SGMS2: variants seen among roughly 807,000 people sequenced by gnomAD.
SGMS2 encodes sphingomyelin synthase 2, also known as phosphatidylcholine:ceramide cholinephosphotransferase 2.
Under a neutral mutation model 43.8 loss-of-function variants are expected in SGMS2, and 21 were observed. That is an observed-to-expected ratio of 0.48 (90% confidence interval 0.34 to 0.69). SGMS2 has a LOEUF of 0.69. SGMS2 is among the 30% of genes least tolerant of loss of function. The pLI is 0.01. For missense variants in SGMS2, 384 were observed against 443.2 expected (o/e 0.87, Z 1.20); for synonymous variants, 167 against 160.6 (o/e 1.04, Z -0.30).
At chr4:107,858,918 CAG>C (rs1001820125) in intron 2 of SGMS2, among the ~76,000 whole-genome samples, 12 of 152,170 alleles carry the variant, frequency 7.9e-5, no homozygotes, top group African/African-American at 2.9e-4. Flanking sequence ...CTTAAGAAAA[CAG>C]AAAATCTTCA....
At chr4:107,884,685 C>T (rs544890778) in intron 2 of SGMS2, among the ~76,000 whole-genome samples, 20 of 152,234 alleles carry the variant, frequency 1.3e-4, no homozygotes, top group African/African-American at 3.9e-4. Context: ...AGAATGCAAC[C>T]GTTTATCTCT....
intron 2 of SGMS2, chr4:107,867,541 G>A (rs536182486): frequency 6.6e-6 from 1 of 152,292 alleles, no homozygotes; most frequent in Non-Finnish European, 1.5e-5. Context: ...TCCCAAAGAG[G>A]GGTAGAACAG....
intron 5 of SGMS2, among the ~76,000 whole-genome samples, chr4:107,905,466 A>G (rs1419015464): frequency 6.6e-6 from 1 of 152,182 alleles, no homozygotes; most frequent in Non-Finnish European, 1.5e-5. Flanking sequence ...ATAATAGCAA[A>G]TAGACATAAT....
intron 1 of SGMS2, among the ~76,000 whole-genome samples, chr4:107,847,033 A>G (rs367836258): frequency 1.3e-4 from 20 of 151,976 alleles, no homozygotes; most frequent in Non-Finnish European, 2.4e-4. Flanking sequence ...AGATGAGTAG[A>G]TTGCGAAAAT....
At chr4:107,902,756 G>A (rs541537606) in intron 4 of SGMS2, among the ~76,000 whole-genome samples, 1 of 152,220 alleles carries the variant, frequency 6.6e-6, no homozygotes, top group Admixed American at 6.5e-5. Context: ...AATTGTAAAT[G>A]TTTTGATCAG....
rs999456774 is a variant in SGMS2 at position 107,836,646 on chromosome 4, A to C, written c.-327+11393A>C. On this transcript the variant is annotated intron_variant, in intron 1 of 6. Transcript: ENST00000690982. Reference sequence around the variant, plus strand: ...CATCGTCTACCTCTTGTCCACCATCATCTTTACCCTATCCTTTCCTTGTTT... The same window carrying C: ...CATCGTCTACCTCTTGTCCACCATCCTCTTTACCCTATCCTTTCCTTGTTT... Among the ~76,000 whole-genome samples, 7 of 152,226 alleles carry C rather than the reference A, an allele frequency of 4.6e-5. No individual in the cohort carries two copies. In the South Asian group the frequency reaches 1.5e-3, roughly 32 times the overall value.
chr4:107,854,279 A>C (rs1252745914), intron 1 of SGMS2, among the ~76,000 whole-genome samples: 1 of 152,214 alleles, frequency 6.6e-6, no homozygotes, highest in Non-Finnish European at 1.5e-5. Flanking sequence ...TTTCTAGCTA[A>C]GGTTTGCACC....
intron 2 of SGMS2, among the ~76,000 whole-genome samples, chr4:107,873,703 T>G (rs576187392): frequency 6.6e-6 from 1 of 152,298 alleles, no homozygotes; most frequent in South Asian, 2.1e-4. Flanking sequence ...TGTATACGAT[T>G]TACTGTTGCC....
chr4:107,888,431 T>C (rs1240020546), intron 2 of SGMS2, among the ~76,000 whole-genome samples: 3 of 152,172 alleles, frequency 2.0e-5, no homozygotes, highest in Non-Finnish European at 4.4e-5. Flanking sequence ...AATCCTCTCA[T>C]TGTGACTTAC....
intron 2 of SGMS2, among the ~76,000 whole-genome samples, chr4:107,871,403 C>T (rs139116946): frequency 1.4e-3 from 214 of 152,152 alleles, no homozygotes; most frequent in Non-Finnish European, 2.6e-3. Context: ...TTATTTCAGG[C>T]TGTTTTCTAA....
At chr4:107,909,804 C>T (rs1430516434) in intron 6 of SGMS2, among the ~76,000 whole-genome samples, 1 of 152,200 alleles carries the variant, frequency 6.6e-6, no homozygotes, top group East Asian at 1.9e-4. Context: ...TGAAATATTA[C>T]ATTTCCAAAG....
chr4:107,870,024 C>CCAT (rs779167221), intron 2 of SGMS2, among the ~76,000 whole-genome samples: 74 of 152,214 alleles, frequency 4.9e-4, no homozygotes, highest in Non-Finnish European at 6.9e-4. Flanking sequence ...GTAGGAATGT[C>CCAT]CATGATTTTA....
chr4:107,880,259 A>G (rs767082873), intron 2 of SGMS2, among the ~76,000 whole-genome samples: 1 of 152,202 alleles, frequency 6.6e-6, no homozygotes, highest in Non-Finnish European at 1.5e-5. Flanking sequence ...AAATCCTATC[A>G]TACTAAAAAA....
chr4:107,833,931 A>G (rs933233052), intron 1 of SGMS2, among the ~76,000 whole-genome samples: 23 of 152,234 alleles, frequency 1.5e-4, no homozygotes, highest in African/African-American at 5.3e-4. Flanking sequence ...CAAGCCAAGG[A>G]ATGCACACAG....
At chr4:107,871,188 A>G (rs753212837) in intron 2 of SGMS2, among the ~76,000 whole-genome samples, 3 of 152,198 alleles carry the variant, frequency 2.0e-5, no homozygotes, top group Non-Finnish European at 4.4e-5. Flanking sequence ...GGAGCTTGGC[A>G]TTTTAAAAGG....
chr4:107,852,033 G>A (rs9942273), intron 1 of SGMS2, among the ~76,000 whole-genome samples: 8,589 of 151,716 alleles, frequency 0.057, 812 homozygotes, highest in African/African-American at 0.2. Flanking sequence ...TTTTATCCTC[G>A]GAGCATAATG....
intron 2 of SGMS2, among the ~76,000 whole-genome samples, chr4:107,863,291 G>A (rs1000847131): frequency 3.9e-5 from 6 of 152,174 alleles, no homozygotes; most frequent in Admixed American, 3.9e-4. Flanking sequence ...ACCTCAGATA[G>A]GGGTGGTAAT....
At chr4:107,892,125 A>C (rs1578629055) in intron 2 of SGMS2, among the ~76,000 whole-genome samples, 2 of 141,818 alleles carry the variant, frequency 1.4e-5, no homozygotes, top group Non-Finnish European at 3.1e-5. Context: ...AAAAAAAAAA[A>C]CCTCATCTTC....
intron 2 of SGMS2, among the ~76,000 whole-genome samples, chr4:107,888,856 A>G (rs1729973397): frequency 1.3e-5 from 2 of 152,188 alleles, no homozygotes; most frequent in South Asian, 2.1e-4. Flanking sequence ...TTTGTCTACA[A>G]TTATTTATCC....
Sources: gnomAD v4.1 joint callset for allele counts (sites outside exome capture counted in the v4.1 genomes callset) on GRCh38, gnomAD v4.1.1 for gene constraint, MANE v1.5 for transcripts, NCBI Gene and HGNC (gene_info 2026-07-23, HGNC 2026-07-21) for gene names.